Variants in TNRC6A observed in about 807,000 individuals in gnomAD.
TNRC6A encodes the protein trinucleotide repeat-containing gene 6A protein.
Under a neutral mutation model 221.2 loss-of-function variants are expected in TNRC6A, and 44 were observed. The ratio of observed to expected loss-of-function variants is 0.20; its 90% CI spans 0.16 to 0.26. The LOEUF is 0.26. Ranked by LOEUF, TNRC6A falls within the 10% of genes least tolerant of loss-of-function variation. The pLI, the probability that TNRC6A is intolerant of heterozygous loss-of-function variation, is 1.00. For synonymous variants in TNRC6A, 847 were observed against 838.5 expected (o/e 1.01, Z -0.18); for missense variants, 2,199 against 2,404.4 (o/e 0.91, Z 1.79).
At chr16:24,639,951 T>TTA (rs1901850546) in intron 1 of TNRC6A, among the ~76,000 whole-genome samples, 1 of 152,192 alleles carries the variant, frequency 6.6e-6, no homozygotes. Context: ...GCCATGGCAC[T>TTA]TGGCCCAGTC....
chr16:24,721,702 G>T (rs1343358696), intron 2 of TNRC6A, among the ~76,000 whole-genome samples: 1 of 152,172 alleles, frequency 6.6e-6, no homozygotes, highest in African/African-American at 2.4e-5. Context: ...AGCTACTCGT[G>T]AGGCTGAGGT....
Position 24,789,720 on chromosome 16 carries a change from A to T in TNRC6A, c.1078A>T (p.Thr360Ser). The T allele has an allele frequency of 6.2e-7, 1 of 1,614,272 alleles. No homozygotes were observed. Among genetic ancestry groups the T allele is most frequent in the Non-Finnish European group, 8.5e-7 (1 of 1,180,056 alleles). Residue 360 changes from threonine (T) to serine (S), a missense_variant, in exon 6 of 25, where the codon ACT (threonine) becomes TCT (serine). Physicochemically the swap from Thr to Ser is moderately conservative, Grantham distance 58. This residue lies in a region of TNRC6A where 1,405 missense variants were observed against 1,400.2 expected (regional missense o/e 1.00). Coordinates refer to ENST00000395799, the MANE Select transcript of TNRC6A (RefSeq NM_014494.4). The stretch of plus-strand genomic sequence containing the variant: ...ATCAAATGGAGGGTTAAATCCAAGC[A>T]CTTTGAATTCAGCTAGCAACCATGG... ...SSSNGGLNPS[T>S]LNSASNHGAW...
intron 2 of TNRC6A, among the ~76,000 whole-genome samples, chr16:24,658,636 G>A (rs1458547583): frequency 6.6e-6 from 1 of 151,968 alleles, no homozygotes; most frequent in Non-Finnish European, 1.5e-5. Context: ...GGGATTACAG[G>A]TATGAGCCAC....
At chr16:24,716,437 G>A (rs2056314135) in intron 2 of TNRC6A, among the ~76,000 whole-genome samples, 1 of 152,212 alleles carries the variant, frequency 6.6e-6, no homozygotes, top group Non-Finnish European at 1.5e-5. Flanking sequence ...GGGAGTCCAA[G>A]GCGGGTAGAT....
At chr16:24,819,677 G>T (rs2058729552) in intron 21 of TNRC6A, 1 of 207,230 alleles carries the variant, frequency 4.8e-6, no homozygotes, top group Non-Finnish European at 9.7e-6. Flanking sequence ...CCAATGCTCA[G>T]CACAGAGAGG....
intron 1 of TNRC6A, among the ~76,000 whole-genome samples, chr16:24,628,217 G>C (rs1901135370): frequency 6.6e-6 from 1 of 151,488 alleles, no homozygotes; most frequent in Non-Finnish European, 1.5e-5. Context: ...TCAGGAGTTG[G>C]AGACTAGCCT....
At position 24,687,843 on chromosome 16, in the gene TNRC6A, G is replaced by GGAAGAGGAAGAAGAAGAAGAA. The variant is rs1555489486; in HGVS notation, n.402+46839_402+46840insGGAAGAAGAAGAAGAAGAAGA. On this transcript the variant is annotated intron_variant and non_coding_transcript_variant, in intron 2 of 2. Transcript: ENST00000566108. ...AAGAGGAAGAAGAGGAAGAGGAAGAGGAAGAAGAAGAAGAAGAAGAAGAAG... is the reference window on the plus strand; with the variant it reads ...AAGAGGAAGAAGAGGAAGAGGAAGAGGAAGAGGAAGAAGAAGAAGAAGAAGAAGAAGAAGAAGAAGAAGAAG... Among the ~76,000 whole-genome samples the GGAAGAGGAAGAAGAAGAAGAA allele has an allele frequency of 4.5e-3, 456 of 101,904 alleles. 6 individuals are homozygous for GGAAGAGGAAGAAGAAGAAGAA. The highest frequency in any genetic ancestry group is 0.013 in the African/African-American group (398 of 29,874). 66.9% of individuals were successfully genotyped at this position (101,904 alleles called of 152,430 possible).
intron 1 of TNRC6A, among the ~76,000 whole-genome samples, chr16:24,613,724 C>T (rs1267358083): frequency 6.6e-6 from 1 of 151,680 alleles, no homozygotes; most frequent in Non-Finnish European, 1.5e-5. Flanking sequence ...TTAGTAGAAA[C>T]GTGGTTTCGC....
At chr16:24,770,084 TG>T (rs1290398072) in intron 4 of TNRC6A, among the ~76,000 whole-genome samples, 5 of 152,152 alleles carry the variant, frequency 3.3e-5, no homozygotes, top group Non-Finnish European at 5.9e-5. Flanking sequence ...ACGCCCAGTC[TG>T]GGGGTGGGGG....
chr16:24,789,591 C>T lies in TNRC6A; in HGVS notation c.949C>T (p.His317Tyr). The T allele has an allele frequency of 6.2e-7, 1 of 1,613,994 alleles. No individual in the cohort carries two copies. Among genetic ancestry groups the T allele is most frequent in the Non-Finnish European group, 8.5e-7 (1 of 1,180,002 alleles). ...GSSTGPWGFS[H>Y]GAIISTCQVS... is the part of the protein sequence containing the mutation. ...TAGTACTGGGCCATGGGGTTTTTCC[C>T]ATGGAGCCATAATAAGCACATGTCA... The change falls in exon 6 of 25, where the codon CAT (histidine) becomes TAT (tyrosine). Residue 317 changes from histidine (H) to tyrosine (Y), a missense_variant. Physicochemically the swap from His to Tyr is moderately conservative, Grantham distance 83. This residue lies in a region of TNRC6A where 1,405 missense variants were observed against 1,400.2 expected (regional missense o/e 1.00). Coordinates refer to ENST00000395799, the MANE Select transcript of TNRC6A (RefSeq NM_014494.4).
At chr16:24,645,834 C>T (rs1177583152) in intron 2 of TNRC6A, among the ~76,000 whole-genome samples, 1 of 26,624 alleles carries the variant, frequency 3.8e-5, no homozygotes, top group African/African-American at 1.2e-4. Flanking sequence ...CCTGTATCTA[C>T]AAAAAAAAAA....
intron 7 of TNRC6A, 32 bp from the exon 8 acceptor site, chr16:24,794,511 AT>A: frequency 6.3e-7 from 1 of 1,587,726 alleles, no homozygotes; most frequent in Non-Finnish European, 8.5e-7. Flanking sequence ...TTATTAAAGT[AT>A]GTTTCTCTTT....
At chr16:24,781,835 T>G (rs77736480) in intron 5 of TNRC6A, among the ~76,000 whole-genome samples, 1 of 151,972 alleles carries the variant, frequency 6.6e-6, no homozygotes, top group East Asian at 1.9e-4. Flanking sequence ...CTCTTTTTTT[T>G]TTTTTTTGAG....
chr16:24,718,030 A>G (rs79796875), intron 2 of TNRC6A, among the ~76,000 whole-genome samples: 15,464 of 151,968 alleles, frequency 0.1, 1,809 homozygotes, highest in East Asian at 0.35. Flanking sequence ...CACCCACCTC[A>G]GCCTCCCAAA....
At chr16:24,660,739 C>CTTTTTTTTTTTTTTTTTTTTTTTTTTT (rs58299677) in intron 2 of TNRC6A, among the ~76,000 whole-genome samples, 11 of 91,288 alleles carry the variant, frequency 1.2e-4, no homozygotes, top group African/African-American at 3.7e-4. Flanking sequence ...TTTTTTTTTT[C>CTTTTTTTTTTTTTTTTTTTTTTTTTTT]TTTTTTTTTT....
Position 24,823,125 on chromosome 16 carries a change from C to A in TNRC6A, c.5513+112C>A. ...CTGCGTGGGTGGCTCCTGCTGGCTG[C>A]AGTAGTGCCCTGATTCCAAGGTCGG... On this transcript the variant is annotated intron_variant, in intron 24 of 24. Transcript: ENST00000395799. This position sits in a 1 kb window ranked among gnomAD's most constrained non-coding sequence, Gnocchi z 4.3. 1 of 1,401,162 alleles carries A rather than the reference C, an allele frequency of 7.1e-7. No individual in the cohort carries two copies. Among genetic ancestry groups the A allele is most frequent in the South Asian group, 1.3e-5 (1 of 78,256 alleles). 86.8% of individuals were successfully genotyped at this position (1,401,162 alleles called of 1,614,324 possible). A position where few individuals can be genotyped will look rare whatever the true frequency, so the allele number is the denominator to read the frequency against.
chr16:24,823,317 C>A lies in TNRC6A; in HGVS notation c.5514-115C>A. 7.6e-7 allele frequency: 1 copy of A among 1,307,560 alleles called. No individual in the cohort carries two copies. The highest frequency in any genetic ancestry group is 1.1e-6 in the Non-Finnish European group (1 of 952,356). 81.0% of individuals were successfully genotyped at this position (1,307,560 alleles called of 1,614,324 possible). On this transcript the variant is annotated intron_variant, in intron 24 of 24. Transcript: ENST00000395799. This position sits in a 1 kb window ranked among gnomAD's most constrained non-coding sequence, Gnocchi z 4.3. ...ACGCAGGTTATGTGGTGTAGTCTCTCCCTCTGTGCCTTCTGTGGCTTTTCT... is the reference window on the plus strand; with the variant it reads ...ACGCAGGTTATGTGGTGTAGTCTCTACCTCTGTGCCTTCTGTGGCTTTTCT...
chr16:24,758,865 C>T (rs1180762121), intron 4 of TNRC6A, among the ~76,000 whole-genome samples: 1 of 151,816 alleles, frequency 6.6e-6, no homozygotes, highest in Non-Finnish European at 1.5e-5. Context: ...TTGAACAGCA[C>T]CCATTAGACC....
intron 2 of TNRC6A, among the ~76,000 whole-genome samples, chr16:24,655,693 A>AG (rs2054897784): frequency 6.6e-6 from 1 of 152,184 alleles, no homozygotes; most frequent in African/African-American, 2.4e-5. Context: ...CTGTCTCAAA[A>AG]AAAAAAGAGT....
Sources: gnomAD v4.1 joint callset for allele counts (sites outside exome capture counted in the v4.1 genomes callset) on GRCh38, gnomAD v4.1.1 for gene constraint, gnomAD v4.1.1 regional missense constraint, Gnocchi (gnomAD v3.1) non-coding constraint, MANE v1.5 for transcripts, NCBI Gene and HGNC (gene_info 2026-07-23, HGNC 2026-07-21) for gene names.